OPRM1: variants seen among roughly 807,000 people sequenced by gnomAD.
OPRM1 encodes mu-type opioid receptor.
In OPRM1, 27 loss-of-function variants were observed where a neutral mutation model predicts 31.8. The observed-to-expected ratio is 0.85, with a 90% confidence interval of 0.63 to 1.17. The LOEUF (loss-of-function observed/expected upper bound fraction) is 1.17, where lower values mean the gene tolerates loss of function less well. Ranked by LOEUF, OPRM1 falls within the 50% of genes most tolerant of loss-of-function variation. OPRM1 has a pLI of 0.00. For synonymous variants in OPRM1, 196 were observed against 189.9 expected (o/e 1.03, Z -0.26); for missense variants, 536 against 511.1 (o/e 1.05, Z -0.47).
chr6:154,218,929 A>C (rs1054775833), intron 3 of OPRM1: 2 of 152,206 alleles, frequency 1.3e-5, no homozygotes, highest in Non-Finnish European at 2.9e-5. Flanking sequence ...AAATGAACAG[A>C]TCTTCATAGC....
chr6:154,229,329 T>C (rs2128624331), intron 3 of OPRM1, among the ~76,000 whole-genome samples: 1 of 150,900 alleles, frequency 6.6e-6, no homozygotes, highest in South Asian at 2.1e-4. Flanking sequence ...CAGAAGGCAG[T>C]GTGGAAAAGT....
chr6:154,012,189 T>G (rs1777767003), intron 1 of OPRM1, among the ~76,000 whole-genome samples: 1 of 152,194 alleles, frequency 6.6e-6, no homozygotes, highest in African/African-American at 2.4e-5. Flanking sequence ...AGCTGTGTTT[T>G]AATAGTTGAC....
intron 3 of OPRM1, among the ~76,000 whole-genome samples, chr6:154,141,646 T>C (rs987282727): frequency 3.3e-5 from 5 of 152,172 alleles, no homozygotes; most frequent in African/African-American, 7.2e-5. Context: ...AATCAACATA[T>C]GTAAGATGAA....
intron 3 of OPRM1, among the ~76,000 whole-genome samples, chr6:154,225,269 A>G (rs1325031030): frequency 6.6e-6 from 1 of 152,202 alleles, no homozygotes; most frequent in Non-Finnish European, 1.5e-5. Flanking sequence ...AGAGGAATTG[A>G]AAAAGGGTAC....
At chr6:154,179,914 C>T (rs182493718) in intron 3 of OPRM1, among the ~76,000 whole-genome samples, 4 of 152,012 alleles carry the variant, frequency 2.6e-5, no homozygotes, top group African/African-American at 4.8e-5. Flanking sequence ...GGGATTGTGC[C>T]GAGATTGTAA....
At chr6:154,136,336 T>C (rs963522387), downstream of OPRM1, among the ~76,000 whole-genome samples, 1 of 152,104 alleles carries the variant, frequency 6.6e-6, no homozygotes, top group Admixed American at 6.6e-5. Context: ...AAATATTTAA[T>C]ACGAAGAACA....
At chr6:154,093,138 G>GA (rs1307611138) in intron 3 of OPRM1, 6 of 716,082 alleles carry the variant, frequency 8.4e-6, no homozygotes, top group Middle Eastern at 3.2e-4. Context: ...CCAACCTGGG[G>GA]ATAACATGTT....
intron 1 of OPRM1, among the ~76,000 whole-genome samples, chr6:154,084,936 A>G (rs984372770): frequency 6.6e-6 from 1 of 151,538 alleles, no homozygotes; most frequent in Non-Finnish European, 1.5e-5. Flanking sequence ...ACACACACAC[A>G]CACACACACA....
chr6:154,223,798 AAGTC>A (rs1267217699), intron 3 of OPRM1, among the ~76,000 whole-genome samples: 6 of 152,206 alleles, frequency 3.9e-5, no homozygotes, highest in African/African-American at 1.2e-4. Context: ...TTCCTCTCCC[AAGTC>A]TGTAGGCAGG....
At chr6:154,155,976 GAGA>G (rs1040634941) in intron 3 of OPRM1, 2 of 152,194 alleles carry the variant, frequency 1.3e-5, no homozygotes, top group African/African-American at 2.4e-5. Context: ...AAGCAATTAA[GAGA>G]AGAAGGTCAA....
intron 3 of OPRM1, among the ~76,000 whole-genome samples, chr6:154,229,479 A>G (rs1244929049): frequency 6.6e-6 from 1 of 150,640 alleles, no homozygotes; most frequent in Non-Finnish European, 1.5e-5. Context: ...CCTCCCGAGT[A>G]GCTGGGACTA....
intron 3 of OPRM1, among the ~76,000 whole-genome samples, chr6:154,245,688 A>G (rs933837278): frequency 3.3e-5 from 5 of 152,122 alleles, no homozygotes; most frequent in African/African-American, 1.2e-4. Flanking sequence ...CTTTTCCCTT[A>G]ATTGACTAAA....
At chr6:154,064,499 G>C (rs1051086960) in intron 1 of OPRM1, among the ~76,000 whole-genome samples, 1 of 152,106 alleles carries the variant, frequency 6.6e-6, no homozygotes, top group Non-Finnish European at 1.5e-5. Flanking sequence ...TTTATGACAT[G>C]CAATGTGTCC....
intron 3 of OPRM1, chr6:154,155,399 A>G (rs1798671697): frequency 6.6e-6 from 1 of 152,244 alleles, no homozygotes; most frequent in African/African-American, 2.4e-5. Flanking sequence ...TGGATATCAT[A>G]TTCTTGTTAG....
In OPRM1 at chr6:154,090,974, A is replaced by G. The variant is rs746998918; in HGVS notation, c.666A>G (p.Thr222=). 6.2e-7 allele frequency: 1 copy of G among 1,613,766 alleles called. No individual in the cohort carries two copies. The highest frequency in any genetic ancestry group is 1.3e-5 in the African/African-American group (1 of 74,906). ...TAGGTTCCATAGATTGTACACTAACATTCTCTCATCCAACCTGGTACTGGG... is the reference window on the plus strand; with the variant it reads ...TAGGTTCCATAGATTGTACACTAACGTTCTCTCATCCAACCTGGTACTGGG... ...YRQGSIDCTL[T]FSHPTWYWEN... The change falls in exon 3 of 4, where the codon ACA becomes ACG. Residue 222 remains threonine (T), a synonymous_variant. Coordinates refer to ENST00000330432, the MANE Select transcript of OPRM1 (RefSeq NM_000914.5).
chr6:154,160,820 A>G (rs1052479396), intron 3 of OPRM1, among the ~76,000 whole-genome samples: 1 of 152,146 alleles, frequency 6.6e-6, no homozygotes, highest in African/African-American at 2.4e-5. Context: ...CCATAATCCT[A>G]AGGTTGGATA....
chr6:154,090,900 TG>T, intron 2 of OPRM1, 51 bp from the exon 3 acceptor site: 1 of 1,535,022 alleles, frequency 6.5e-7, no homozygotes, highest in Non-Finnish European at 8.9e-7. Flanking sequence ...TAACACCTTA[TG>T]ACATAATTAA....
At chr6:154,146,599 T>C (rs903853339) in intron 3 of OPRM1, among the ~76,000 whole-genome samples, 1 of 152,184 alleles carries the variant, frequency 6.6e-6, no homozygotes, top group Non-Finnish European at 1.5e-5. Context: ...TATTCACTCA[T>C]ATTGGATGAT....
intron 3 of OPRM1, among the ~76,000 whole-genome samples, chr6:154,099,621 G>A (rs991563805): frequency 7.1e-6 from 1 of 141,052 alleles, no homozygotes; most frequent in Non-Finnish European, 1.5e-5. Context: ...CTTAAATAAA[G>A]ATCATACACA....
Sources: allele counts gnomAD v4.1 joint callset (sites outside exome capture counted in the v4.1 genomes callset), GRCh38; gene constraint gnomAD v4.1.1; transcripts MANE v1.5; gene names NCBI Gene and HGNC (gene_info 2026-07-23, HGNC 2026-07-21).